RPS3A: variants seen among roughly 807,000 people sequenced by gnomAD.
RPS3A encodes the protein ribosomal protein S3A, also known as small ribosomal subunit protein eS1.
A neutral mutation model predicts 26.4 loss-of-function variants in RPS3A; 1 was observed. The ratio of observed to expected loss-of-function variants is 0.04; its 90% CI spans 0.01 to 0.18. The LOEUF (loss-of-function observed/expected upper bound fraction) is 0.18, where lower values mean the gene tolerates loss of function less well. Ranked by LOEUF, RPS3A falls within the 10% of genes least tolerant of loss-of-function variation. The probability of loss-of-function intolerance (pLI) is 1.00; values close to 1 mark genes in which losing one functional copy is unlikely to be tolerated. For synonymous variants in RPS3A, 97 were observed against 106.1 expected (o/e 0.91, Z 0.53); for missense variants, 139 against 326.8 (o/e 0.43, Z 4.43).
chr4:151,103,223 G>T (rs1579558772), intron 4 of RPS3A, 144 bp downstream of exon 4: 1 of 1,373,724 alleles, frequency 7.3e-7, no homozygotes, highest in African/African-American at 1.4e-5. Flanking sequence ...AAGTGAAAGA[G>T]TGTTAAGTAC....
intron 2 of RPS3A, 31 bp from the exon 3 acceptor site, chr4:151,100,944 A>G: frequency 1.3e-6 from 2 of 1,518,488 alleles, no homozygotes; most frequent in Non-Finnish European, 1.8e-6. Context: ...TGGTTCCTAA[A>G]TGTTAAGATA....
intron 4 of RPS3A, chr4:151,103,596 C>T: frequency 9.6e-7 from 1 of 1,044,694 alleles, no homozygotes; most frequent in East Asian, 8.3e-5. Flanking sequence ...ATGTTTTTCC[C>T]CTACTTGGAA....
At chr4:151,100,798 G>A (rs1451994142) in intron 2 of RPS3A, among the ~76,000 whole-genome samples, 177 bp from the exon 3 acceptor site, 1 of 152,180 alleles carries the variant, frequency 6.6e-6, no homozygotes, top group African/African-American at 2.4e-5. Context: ...TGTGCCATGG[G>A]TAGTTCTGAG....
rs1001359684 is a variant in RPS3A at position 151,103,269 on chromosome 4, A to C, written c.563+190A>C. On this transcript the variant is annotated intron_variant, in intron 4 of 5. Coordinates refer to ENST00000274065, the MANE Select transcript of RPS3A (RefSeq NM_001006.5). ...TGATTATTATTACTATTATTATTTG[A>C]GTCAGAGTCTTGCTCTGTTGCCCAG... is the stretch of plus-strand genomic sequence containing the variant. 4 of 1,156,568 alleles carry C rather than the reference A, an allele frequency of 3.5e-6. No individual in the cohort carries two copies. In the Admixed American group the frequency reaches 9.6e-5, roughly 28 times the overall value. The allele number at this position is 1,156,568 out of a possible 1,614,324, so 71.6% of individuals were successfully genotyped here.
At chr4:151,102,123 G>A (rs1449578197) in intron 3 of RPS3A, 1 of 514,932 alleles carries the variant, frequency 1.9e-6, no homozygotes, top group Admixed American at 2.0e-5. Flanking sequence ...TATTTATCCT[G>A]ACATTCCTCT....
intron 3 of RPS3A, 60 bp downstream of exon 3, chr4:151,101,222 GT>G (rs1747101157): frequency 1.0e-6 from 1 of 982,292 alleles, no homozygotes; most frequent in East Asian, 2.6e-5. Context: ...GGATAGCATG[GT>G]TTGATGACTG....
rs187907406 is a variant in RPS3A at position 151,100,264 on chromosome 4, G to T, written c.63-221G>T. Among the ~76,000 whole-genome samples the T allele has an allele frequency of 9.2e-5, 14 of 152,304 alleles. No individual in the cohort carries two copies. In the East Asian group the frequency reaches 2.7e-3, roughly 29 times the overall value. ...CCTGTGTAGTGGATGGACCGATGAG[G>T]GTGGGAAGTGGACATAACCTTTCAA... is the stretch of plus-strand genomic sequence containing the variant. On this transcript the variant is annotated intron_variant, in intron 1 of 5. Transcript: ENST00000274065.
Position 151,104,640 on chromosome 4 carries a change from G to C in RPS3A, c.*47G>C. The C allele has an allele frequency of 6.4e-7, 1 of 1,554,806 alleles. No homozygotes were observed. Among genetic ancestry groups the C allele is most frequent in the Non-Finnish European group, 8.6e-7 (1 of 1,166,342 alleles). On this transcript the variant is annotated 3_prime_UTR_variant, in exon 6 of 6. Transcript: ENST00000274065. ...CAAATAAAAAGTGCTATTTGTGATG[G>C]TTTGCTTCTGAACATTCTTTTTTTA...
chr4:151,101,261 A>G, intron 3 of RPS3A, 99 bp downstream of exon 3: 1 of 677,522 alleles, frequency 1.5e-6, no homozygotes, highest in Admixed American at 3.6e-5. Flanking sequence ...TTATTTATTT[A>G]TTGAGACCAG....
At chr4:151,103,742 T>TA (rs1048003271) in intron 4 of RPS3A, 2 of 1,159,054 alleles carry the variant, frequency 1.7e-6, no homozygotes, top group South Asian at 1.6e-5. Context: ...TCCCAAAAAA[T>TA]AAAAAATATA....
chr4:151,103,859 G>C, intron 4 of RPS3A: 2 of 1,406,622 alleles, frequency 1.4e-6, no homozygotes, highest in East Asian at 7.7e-5. Context: ...GGTCCCAGAT[G>C]ATGGCCAGTG....
intron 3 of RPS3A, 56 bp downstream of exon 3, chr4:151,101,218 C>A: frequency 1.8e-6 from 2 of 1,103,678 alleles, no homozygotes; most frequent in South Asian, 1.7e-5. Flanking sequence ...CCAAGGATAG[C>A]ATGGTTTGAT....
In RPS3A at chr4:151,099,635, G is replaced by A. The variant is rs1209196433; in HGVS notation, c.-18G>A. On this transcript the variant is annotated 5_prime_UTR_variant, in exon 1 of 6. Transcript: ENST00000274065. The stretch of plus-strand genomic sequence containing the variant: ...GCGCGACTCCCACTTCCGCCCTTTT[G>A]GCTCTCTGACCAGCACCATGGCGGT... 7 of 1,612,714 alleles carry A rather than the reference G, an allele frequency of 4.3e-6. No individual in the cohort carries two copies. The Admixed American group carries it at 6.7e-5, about 15-fold the overall frequency.
chr4:151,101,211 A>AG lies in RPS3A; in HGVS notation c.354+51dup, dbSNP rs754365184. On this transcript the variant is annotated intron_variant, in intron 3 of 5. Coordinates refer to ENST00000274065, the MANE Select transcript of RPS3A (RefSeq NM_001006.5). ...TGGTTGTGCTATGGGTGTTTGACCA[A>AG]GGATAGCATGGTTTGATGACTGGAA... The AG allele has an allele frequency of 3.4e-6, 4 of 1,178,630 alleles. No homozygotes were observed. In the East Asian group the frequency reaches 9.9e-5, roughly 29 times the overall value. The allele number at this position is 1,178,630 out of a possible 1,614,324, so 73.0% of individuals were successfully genotyped here.
In RPS3A at chr4:151,102,833, T is replaced by TA. The variant is rs543890641; in HGVS notation, c.355-34dup. The TA allele has an allele frequency of 2.6e-4, 414 of 1,588,860 alleles. No individual in the cohort carries two copies. The African/African-American group carries it at 5.2e-3, about 20-fold the overall frequency. On this transcript the variant is annotated intron_variant, in intron 3 of 5. Coordinates refer to ENST00000274065, the MANE Select transcript of RPS3A (RefSeq NM_001006.5). ...GAACTTGAGGGATAAATGGATAACG[T>TA]AAAACCTGTTAAATCTGACGGTATC...
At chr4:151,103,332 T>A in intron 4 of RPS3A, 1 of 652,742 alleles carries the variant, frequency 1.5e-6, no homozygotes, top group Non-Finnish European at 2.1e-6. Context: ...TGGCTCACTG[T>A]AACCACTGCT....
intron 4 of RPS3A, chr4:151,103,944 T>TTTTA (rs1747249363): frequency 1.5e-5 from 23 of 1,524,432 alleles, no homozygotes; most frequent in Non-Finnish European, 2.0e-5. Flanking sequence ...GCATAAGGCT[T>TTTTA]GGACTCAGAA....
intron 4 of RPS3A, chr4:151,103,664 G>A (rs1472124988): frequency 7.4e-6 from 8 of 1,081,510 alleles, no homozygotes; most frequent in African/African-American, 3.3e-5. Context: ...CTACTCAGGA[G>A]GCTGAGGTGG....
intron 4 of RPS3A, chr4:151,103,844 G>T (rs1240594329): frequency 2.9e-6 from 4 of 1,386,408 alleles, no homozygotes; most frequent in Non-Finnish European, 3.8e-6. Flanking sequence ...GATGAAAAAA[G>T]TTTCGGTCCC....
Sources: allele counts gnomAD v4.1 joint callset (sites outside exome capture counted in the v4.1 genomes callset), GRCh38; gene constraint gnomAD v4.1.1; transcripts MANE v1.5; gene names NCBI Gene and HGNC (gene_info 2026-07-23, HGNC 2026-07-21).